The following EBF1 variants were observed in gnomAD, a reference collection of about 807,000 sequenced individuals.
EBF1 encodes the protein EBF transcription factor 1.
Under a neutral mutation model 68.4 loss-of-function variants are expected in EBF1, and 10 were observed. The ratio of observed to expected loss-of-function variants is 0.15; its 90% confidence interval spans 0.09 to 0.25. EBF1 has a LOEUF of 0.25. Among genes scored for constraint, EBF1 ranks in the 10% least tolerant of loss-of-function variants. The probability of loss-of-function intolerance (pLI) is 1.00; values close to 1 mark genes in which losing one functional copy is unlikely to be tolerated. For synonymous variants in EBF1, 298 were observed against 299.8 expected (o/e 0.99, Z 0.06); for missense variants, 509 against 794.4 (o/e 0.64, Z 4.32).
At chr5:159,097,220 C>A in intron 1 of EBF1, 90 bp from the exon 2 acceptor site, 1 of 1,402,694 alleles carries the variant, frequency 7.1e-7, no homozygotes, top group Non-Finnish European at 9.5e-7. Flanking sequence ...CCCTCAAACA[C>A]CCACCTCCTC....
chr5:158,761,353 C>T (rs980542970), intron 10 of EBF1, among the ~76,000 whole-genome samples: 23 of 152,198 alleles, frequency 1.5e-4, no homozygotes, highest in Admixed American at 1.4e-3. Context: ...TCGATGTTAA[C>T]ATTAGCAGCG....
rs142798926 is a variant in EBF1, at chr5:158,821,493, A to T, written c.778+1683T>A. Among the ~76,000 whole-genome samples the T allele has an allele frequency of 5.5e-3, 831 of 152,278 alleles. 6 individuals are homozygous for T. The Middle Eastern group carries it at 0.065, about 12-fold the overall frequency. ...GGCCTGAGCATATTTTGAAAGTGTG[A>T]ACCCAGATTTCAAACTGACAGTCAA... is the stretch of plus-strand genomic sequence containing the variant. On this transcript the variant is annotated intron_variant, in intron 8 of 15. Transcript: ENST00000313708.
In EBF1 at chr5:158,730,642, A is replaced by G. The variant is rs114820028; in HGVS notation, c.1125+427T>C. ...CAGGACTAAGTACGGATCCTCGTAG[A>G]CAGAAATTTGGTGCTGCTTTTTCTT... On this transcript the variant is annotated intron_variant, in intron 11 of 15. Transcript: ENST00000313708. Among the ~76,000 whole-genome samples, 1,133 of 152,336 alleles carry G rather than the reference A, an allele frequency of 7.4e-3. 13 individuals carry two copies. The highest frequency in any genetic ancestry group is 0.026 in the African/African-American group (1,068 of 41,566).
At chr5:158,933,751 G>T (rs1162983328) in intron 6 of EBF1, among the ~76,000 whole-genome samples, 6 of 152,196 alleles carry the variant, frequency 3.9e-5, no homozygotes, top group Non-Finnish European at 8.8e-5. Flanking sequence ...CACAGAGCTG[G>T]AGAAATAGTA....
intron 8 of EBF1, among the ~76,000 whole-genome samples, chr5:158,819,553 C>T (rs759407853): frequency 9.9e-5 from 15 of 152,144 alleles, no homozygotes; most frequent in Non-Finnish European, 4.4e-5. Context: ...CCTCAGGCCC[C>T]TCAATGACTC....
At chr5:158,705,088 T>C (rs1198391325) in intron 15 of EBF1, among the ~76,000 whole-genome samples, 1 of 152,140 alleles carries the variant, frequency 6.6e-6, no homozygotes, top group Admixed American at 6.5e-5. Context: ...TTCAAGTGAT[T>C]CTCCTCCCTC....
chr5:158,811,641 C>G (rs188716811), intron 8 of EBF1, among the ~76,000 whole-genome samples: 1 of 152,148 alleles, frequency 6.6e-6, no homozygotes, highest in Non-Finnish European at 1.5e-5. Context: ...ACTTAACAAC[C>G]GCTATCGTAA....
chr5:158,745,199 T>C (rs1282171983), intron 10 of EBF1, among the ~76,000 whole-genome samples: 1 of 152,212 alleles, frequency 6.6e-6, no homozygotes, highest in Non-Finnish European at 1.5e-5. Flanking sequence ...AATGGGTATG[T>C]GGCCACTTCC....
intron 15 of EBF1, among the ~76,000 whole-genome samples, chr5:158,700,330 A>G (rs1487961660): frequency 6.6e-6 from 1 of 152,246 alleles, no homozygotes; most frequent in African/African-American, 2.4e-5. Flanking sequence ...AGATGCTGAC[A>G]TTACAAGCAA....
intron 10 of EBF1, among the ~76,000 whole-genome samples, chr5:158,748,023 G>A (rs2127585094): frequency 6.6e-6 from 1 of 152,276 alleles, no homozygotes; most frequent in African/African-American, 2.4e-5. Flanking sequence ...GGAAGTAATG[G>A]TGTTATCTTT....
chr5:158,699,251 C>T lies in EBF1; in HGVS notation c.1745-109G>A, dbSNP rs139456569. The T allele has an allele frequency of 8.7e-4, 966 of 1,111,674 alleles. 1 individual carries two copies. The African/African-American group carries it at 0.01, about 12-fold the overall frequency. The allele number at this position is 1,111,674 out of a possible 1,614,324, so 68.9% of individuals were successfully genotyped here. A position where few individuals can be genotyped will look rare whatever the true frequency, so the allele number is the denominator to read the frequency against. ...AACACCCACACACAACTATGTTGTT[C>T]GACTATTAGCCACAAATTTGCTCTC... On this transcript the variant is annotated intron_variant, in intron 15 of 15. Coordinates refer to ENST00000313708, the MANE Select transcript of EBF1 (RefSeq NM_024007.5).
chr5:158,896,403 A>G (rs920630326), intron 6 of EBF1, among the ~76,000 whole-genome samples: 36 of 152,318 alleles, frequency 2.4e-4, no homozygotes, highest in African/African-American at 8.4e-4. Context: ...TAAACACTCA[A>G]TAAATGGTTC....
intron 6 of EBF1, among the ~76,000 whole-genome samples, chr5:158,887,138 A>G (rs1290111105): frequency 6.6e-6 from 1 of 152,104 alleles, no homozygotes; most frequent in Non-Finnish European, 1.5e-5. Flanking sequence ...GGTACTTAAC[A>G]TTTCTTTTCA....
intron 6 of EBF1, among the ~76,000 whole-genome samples, chr5:158,846,083 G>A (rs1347664350): frequency 1.3e-5 from 2 of 152,142 alleles, no homozygotes; most frequent in East Asian, 1.9e-4. Flanking sequence ...AAGGCTCCTC[G>A]AAAGTTCCTC....
intron 6 of EBF1, among the ~76,000 whole-genome samples, chr5:159,030,806 T>G (rs1162941082): frequency 6.6e-6 from 1 of 152,160 alleles, no homozygotes; most frequent in Non-Finnish European, 1.5e-5. Context: ...CACAGTGACA[T>G]GTTCAGAACA....
chr5:158,846,118 T>C (rs1010206610), intron 6 of EBF1, among the ~76,000 whole-genome samples: 1 of 152,218 alleles, frequency 6.6e-6, no homozygotes, highest in Non-Finnish European at 1.5e-5. Flanking sequence ...CAGATGGTTA[T>C]GTGGCAGATG....
intron 6 of EBF1, among the ~76,000 whole-genome samples, chr5:159,017,053 A>C (rs1267376921): frequency 6.6e-6 from 1 of 152,238 alleles, no homozygotes; most frequent in Non-Finnish European, 1.5e-5. Flanking sequence ...TAATTTCAGC[A>C]ATGTTTTATT....
Position 158,777,209 on chromosome 5 carries a change from C to T in EBF1, c.1036+204G>A, listed in dbSNP as rs115746680. Among the ~76,000 whole-genome samples the T allele has an allele frequency of 8.1e-3, 1,226 of 152,200 alleles. 18 individuals carry two copies. Among genetic ancestry groups the T allele is most frequent in the African/African-American group, 0.028 (1,147 of 41,524 alleles). On this transcript the variant is annotated intron_variant, in intron 10 of 15. Transcript: ENST00000313708. The stretch of plus-strand genomic sequence containing the variant: ...TCCAACCAGTTATTTCAACAGAACG[C>T]GCCATTCAACATGGACACCTAGAAG...
At chr5:158,800,343 G>T (rs1029108586) in intron 8 of EBF1, among the ~76,000 whole-genome samples, 1 of 152,132 alleles carries the variant, frequency 6.6e-6, no homozygotes, top group Non-Finnish European at 1.5e-5. Flanking sequence ...ATGGACAAAG[G>T]CCTGGAAGGA....
Sources: allele counts gnomAD v4.1 joint callset (sites outside exome capture counted in the v4.1 genomes callset), GRCh38; gene constraint gnomAD v4.1.1; transcripts MANE v1.5; gene names NCBI Gene and HGNC (gene_info 2026-07-23, HGNC 2026-07-21).